Variants in ANKS1B observed in about 807,000 individuals in gnomAD.
ANKS1B encodes the protein ankyrin repeat and sterile alpha motif domain containing 1B, also known as ankyrin repeat and sterile alpha motif domain-containing protein 1B.
A neutral mutation model predicts 148.3 loss-of-function variants in ANKS1B; 36 were observed. The observed-to-expected ratio is 0.24, with a 90% CI of 0.19 to 0.32. The LOEUF is 0.32. Ranked by LOEUF, ANKS1B falls within the 10% of genes least tolerant of loss-of-function variation. The probability of loss-of-function intolerance (pLI) is 1.00; values close to 1 mark genes in which losing one functional copy is unlikely to be tolerated. For missense variants in ANKS1B, 1,157 were observed against 1,542.6 expected (o/e 0.75, Z 4.19); for synonymous variants, 542 against 560.8 (o/e 0.97, Z 0.47).
Position 98,791,936 on chromosome 12 carries a change from CTT to C in ANKS1B, c.3342+6996_3342+6997del, listed in dbSNP as rs1593805374. ...ATTTCCATCTAATTTTAAGATCTAA[CTT>C]TTTCAAAGTTTTCCAACCCATTCCC... On this transcript the variant is annotated intron_variant, in intron 22 of 26. Transcript: ENST00000683438. Among the ~76,000 whole-genome samples the C allele has an allele frequency of 2.0e-5, 3 of 152,268 alleles. 1 individual carries two copies. In the East Asian group the frequency reaches 5.8e-4, roughly 29 times the overall value.
chr12:99,470,478 C>G (rs1595462007), intron 10 of ANKS1B, among the ~76,000 whole-genome samples: 2 of 152,094 alleles, frequency 1.3e-5, no homozygotes, highest in East Asian at 3.9e-4. Flanking sequence ...ATTTAGATTT[C>G]ATGTAACATT....
chr12:98,994,344 G>A (rs1233302548), intron 17 of ANKS1B, among the ~76,000 whole-genome samples: 1 of 152,168 alleles, frequency 6.6e-6, no homozygotes, highest in East Asian at 1.9e-4. Flanking sequence ...GGCCAGGTGC[G>A]GTGGCTCATG....
intron 1 of ANKS1B, among the ~76,000 whole-genome samples, chr12:99,914,431 A>T (rs2094106099): frequency 6.6e-6 from 1 of 152,172 alleles, no homozygotes; most frequent in South Asian, 2.1e-4. Context: ...CAAAACAAAG[A>T]TTTTGGAGTA....
Position 99,198,642 on chromosome 12 carries a change from C to T in ANKS1B, c.2420-44247G>A, listed in dbSNP as rs71462267. Among the ~76,000 whole-genome samples, 190 of 152,234 alleles carry T rather than the reference C, an allele frequency of 1.2e-3. 1 individual carries two copies. The highest frequency in any genetic ancestry group is 3.4e-3 in the Middle Eastern group (1 of 294). ...ATCAATCTTTCTTGATGTGACAAGG[C>T]TTTAGATTGAATTCTAAAGATCAAT... On this transcript the variant is annotated intron_variant, in intron 14 of 26. Transcript: ENST00000683438.
intron 8 of ANKS1B, among the ~76,000 whole-genome samples, chr12:99,737,895 T>C (rs537287701): frequency 1.3e-5 from 2 of 152,116 alleles, no homozygotes; most frequent in Non-Finnish European, 2.9e-5. Flanking sequence ...TCATCAATAG[T>C]TTATTAATTT....
intron 16 of ANKS1B, among the ~76,000 whole-genome samples, chr12:99,065,518 T>G (rs2043828030): frequency 6.6e-6 from 1 of 152,126 alleles, no homozygotes. Flanking sequence ...GTCATTCACA[T>G]GGTGGTCAAA....
chr12:99,434,282 GC>G, intron 11 of ANKS1B, among the ~76,000 whole-genome samples: 1 of 152,088 alleles, frequency 6.6e-6, no homozygotes, highest in Admixed American at 6.6e-5. Flanking sequence ...AAGCAATAAT[GC>G]CAACTCTACT....
At chr12:99,853,413 T>C (rs2088342617) in intron 1 of ANKS1B, among the ~76,000 whole-genome samples, 1 of 152,110 alleles carries the variant, frequency 6.6e-6, no homozygotes, top group Admixed American at 6.5e-5. Context: ...CACAGGACTC[T>C]TCGTAGACAC....
At chr12:99,001,126 T>C (rs2099932738) in intron 17 of ANKS1B, among the ~76,000 whole-genome samples, 1 of 152,044 alleles carries the variant, frequency 6.6e-6, no homozygotes. Flanking sequence ...GAGATCCTGA[T>C]TTTAGTTTTT....
In ANKS1B at chr12:98,751,035, A is replaced by G. The variant is rs1448156029; in HGVS notation, c.3747+320T>C. Among the ~76,000 whole-genome samples the G allele has an allele frequency of 6.6e-6, 1 of 152,200 alleles. No individual in the cohort carries two copies. Among genetic ancestry groups the G allele is most frequent in the East Asian group, 1.9e-4 (1 of 5,190 alleles). ...GATGGCAGCTGAAGCCCCAGGGAAC[A>G]CTGCTCCCAAGCTTTCCTGAATCTT... On this transcript the variant is annotated intron_variant, in intron 26 of 26. Coordinates refer to ENST00000683438, the MANE Select transcript of ANKS1B (RefSeq NM_001352186.2). This position sits in a 1 kb window ranked among gnomAD's most constrained non-coding sequence, Gnocchi z 4.3.
At chr12:99,666,546 A>G (rs971617369) in intron 8 of ANKS1B, among the ~76,000 whole-genome samples, 2 of 151,832 alleles carry the variant, frequency 1.3e-5, no homozygotes, top group Non-Finnish European at 2.9e-5. Context: ...TAGGGGTGGT[A>G]TATCTTTGCA....
chr12:99,774,503 G>A (rs750526512), intron 7 of ANKS1B, among the ~76,000 whole-genome samples: 1 of 152,046 alleles, frequency 6.6e-6, no homozygotes, highest in South Asian at 2.1e-4. Context: ...TGAGGATGTG[G>A]AGAAAGGGAA....
chr12:99,885,475 G>A (rs547153180), intron 1 of ANKS1B, among the ~76,000 whole-genome samples: 2 of 151,764 alleles, frequency 1.3e-5, no homozygotes, highest in South Asian at 2.1e-4. Context: ...TAATTTTTTT[G>A]TGTATTTTTG....
intron 15 of ANKS1B, among the ~76,000 whole-genome samples, chr12:99,138,542 C>T (rs940397478): frequency 1.3e-5 from 2 of 152,204 alleles, no homozygotes; most frequent in Admixed American, 6.5e-5. Flanking sequence ...GTGATGTGCA[C>T]GTGTGTGCTG....
intron 14 of ANKS1B, among the ~76,000 whole-genome samples, chr12:99,185,946 C>T (rs1326546133): frequency 1.3e-5 from 2 of 152,140 alleles, no homozygotes; most frequent in Non-Finnish European, 2.9e-5. Context: ...TGGTCTAGCT[C>T]AGTGGATCCC....
At chr12:99,156,022 A>G (rs1023891479) in intron 14 of ANKS1B, among the ~76,000 whole-genome samples, 1 of 152,208 alleles carries the variant, frequency 6.6e-6, no homozygotes, top group Non-Finnish European at 1.5e-5. Context: ...CGCCTGGCAC[A>G]TAGTAAGTGC....
chr12:99,025,371 T>C (rs932849143), intron 17 of ANKS1B, among the ~76,000 whole-genome samples: 2 of 152,204 alleles, frequency 1.3e-5, no homozygotes, highest in Non-Finnish European at 2.9e-5. Flanking sequence ...GAATGTAAAC[T>C]CATAATTTGT....
intron 1 of ANKS1B, among the ~76,000 whole-genome samples, chr12:99,883,335 A>AT (rs2092637463): frequency 6.9e-6 from 1 of 144,334 alleles, no homozygotes; most frequent in African/African-American, 2.6e-5. Flanking sequence ...GTTTCGAAGC[A>AT]AAAAAACAAA....
intron 1 of ANKS1B, among the ~76,000 whole-genome samples, chr12:99,956,596 A>G (rs772474580): frequency 2.0e-5 from 3 of 152,218 alleles, no homozygotes; most frequent in Non-Finnish European, 4.4e-5. Context: ...CTAAACAGAC[A>G]TAGCCCACCA....
Sources: gnomAD v4.1 joint callset for allele counts (sites outside exome capture counted in the v4.1 genomes callset) on GRCh38, gnomAD v4.1.1 for gene constraint, Gnocchi (gnomAD v3.1) non-coding constraint, MANE v1.5 for transcripts, NCBI Gene and HGNC (gene_info 2026-07-23, HGNC 2026-07-21) for gene names.